Variants in TBC1D19 observed in about 807,000 individuals in gnomAD.
The protein encoded by TBC1D19 is TBC1 domain family member 19, also known as TBC1 domain family, member 19.
TBC1D19 carries 60 observed loss-of-function variants against 89.0 expected under a neutral mutation model. The observed-to-expected ratio is 0.67, with a 90% CI of 0.55 to 0.84. TBC1D19 has a LOEUF of 0.84. Ranked by LOEUF, TBC1D19 falls within the 40% of genes least tolerant of loss-of-function variation. TBC1D19 has a pLI of 0.00. For synonymous variants in TBC1D19, 189 were observed against 199.7 expected, an observed-to-expected ratio of 0.95 and a Z score of 0.45; for missense variants, 500 against 610.8, an observed-to-expected ratio of 0.82 and a Z score of 1.91.
At chr4:26,783,365 TA>T in the TBC1D19 span, among the ~76,000 whole-genome samples, 1 of 152,198 alleles carries the variant, frequency 6.6e-6, no homozygotes, top group Non-Finnish European at 1.5e-5. Context: ...ATTAAAGGCA[TA>T]AGGAGTGATT....
At chr4:26,641,219 G>A (rs1159649194) in intron 7 of TBC1D19, among the ~76,000 whole-genome samples, 1 of 152,236 alleles carries the variant, frequency 6.6e-6, no homozygotes, top group Non-Finnish European at 1.5e-5. Flanking sequence ...GCATCAGGCA[G>A]CAATATTTGC....
At chr4:26,741,797 G>A (rs1718392625) in intron 17 of TBC1D19, among the ~76,000 whole-genome samples, 1 of 152,144 alleles carries the variant, frequency 6.6e-6, no homozygotes. Context: ...ATGCTAAGCT[G>A]CAGGAAAGAC....
At position 26,590,812 on chromosome 4, in the gene TBC1D19, T is replaced by G. The variant is rs13125017; in HGVS notation, c.99+6520T>G. ...TGCAGGTCTGTTTTTTTTTTTTTTT[T>G]TTTTTTTTTTTTTTTGTGAGTCAGT... On this transcript the variant is annotated intron_variant, in intron 1 of 20. Coordinates refer to ENST00000264866, the MANE Select transcript of TBC1D19 (RefSeq NM_018317.4). Among the ~76,000 whole-genome samples, 61 of 129,252 alleles carry G rather than the reference T, an allele frequency of 4.7e-4. 1 individual carries two copies. Among genetic ancestry groups the G allele is most frequent in the African/African-American group, 1.6e-3 (57 of 35,052 alleles). The allele number at this position is 129,252 out of a possible 152,430, so 84.8% of individuals were successfully genotyped here. A position where few individuals can be genotyped will look rare whatever the true frequency, so the allele number is the denominator to read the frequency against.
At chr4:26,677,444 G>C (rs1263766258) in intron 11 of TBC1D19, among the ~76,000 whole-genome samples, 1 of 151,240 alleles carries the variant, frequency 6.6e-6, no homozygotes, top group Admixed American at 6.6e-5. Context: ...TCAGCCTCCC[G>C]ATTAGCTGGG....
At chr4:26,661,720 C>A (rs1745231650) in intron 8 of TBC1D19, among the ~76,000 whole-genome samples, 1 of 152,162 alleles carries the variant, frequency 6.6e-6, no homozygotes, top group Non-Finnish European at 1.5e-5. Context: ...CCCAGGTTCA[C>A]TTAAATTTGT....
At chr4:26,804,713 A>G in the TBC1D19 span, among the ~76,000 whole-genome samples, 1 of 152,180 alleles carries the variant, frequency 6.6e-6, no homozygotes, top group Non-Finnish European at 1.5e-5. Context: ...AGGACTCCCT[A>G]GAGCTGCTCT....
At chr4:26,680,731 G>A (rs955334906) in intron 11 of TBC1D19, among the ~76,000 whole-genome samples, 3 of 152,284 alleles carry the variant, frequency 2.0e-5, no homozygotes, top group African/African-American at 4.8e-5. Flanking sequence ...TATACCTACA[G>A]TATTGATACC....
At chr4:26,805,595 C>T in the TBC1D19 span, among the ~76,000 whole-genome samples, 1 of 152,174 alleles carries the variant, frequency 6.6e-6, no homozygotes, top group South Asian at 2.1e-4. Context: ...CCCTTCACAT[C>T]CATCAGCAAG....
intron 7 of TBC1D19, among the ~76,000 whole-genome samples, chr4:26,654,912 G>T (rs971476493): frequency 6.6e-6 from 1 of 152,120 alleles, no homozygotes; most frequent in Admixed American, 6.5e-5. Context: ...TTCCATTGCT[G>T]GTGAGGAGCT....
At chr4:26,661,897 A>T (rs1745245096) in intron 8 of TBC1D19, among the ~76,000 whole-genome samples, 1 of 152,200 alleles carries the variant, frequency 6.6e-6, no homozygotes, top group African/African-American at 2.4e-5. Flanking sequence ...GGGAAGTCTC[A>T]TACACAATAG....
At chr4:26,633,915 C>T (rs569614082) in intron 4 of TBC1D19, among the ~76,000 whole-genome samples, 1 of 152,206 alleles carries the variant, frequency 6.6e-6, no homozygotes, top group South Asian at 2.1e-4. Flanking sequence ...GGATTAAATC[C>T]TCCAGCTTTA....
chr4:26,777,137 T>C, the TBC1D19 span, among the ~76,000 whole-genome samples: 4 of 8,920 alleles, frequency 4.5e-4, no homozygotes, highest in Non-Finnish European at 0.037. Flanking sequence ...TCTCTCTTCT[T>C]TTTTTTTTTT....
intron 7 of TBC1D19, among the ~76,000 whole-genome samples, chr4:26,641,049 G>A (rs1251951541): frequency 6.6e-6 from 1 of 152,224 alleles, no homozygotes; most frequent in Non-Finnish European, 1.5e-5. Context: ...AGAGAGCAGT[G>A]GTTCTCCCAG....
intron 13 of TBC1D19, among the ~76,000 whole-genome samples, chr4:26,715,500 A>T (rs1452298954): frequency 1.3e-5 from 2 of 152,084 alleles, no homozygotes; most frequent in African/African-American, 4.8e-5. Flanking sequence ...TGCTCTTGGA[A>T]TCAACACATG....
chr4:26,579,135 G>T (rs1362646501), upstream of TBC1D19, among the ~76,000 whole-genome samples: 1 of 152,104 alleles, frequency 6.6e-6, no homozygotes, highest in Non-Finnish European at 1.5e-5. Flanking sequence ...AACCAACTCT[G>T]TGTGAATGGT....
At chr4:26,842,606 T>TTCTTTC in the TBC1D19 span, among the ~76,000 whole-genome samples, 1 of 140,700 alleles carries the variant, frequency 7.1e-6, no homozygotes, top group African/African-American at 2.7e-5. Context: ...CTTTCTTTCT[T>TTCTTTC]TCTTTCTTTC....
chr4:26,647,706 T>C (rs891574713), intron 7 of TBC1D19, among the ~76,000 whole-genome samples: 1 of 152,140 alleles, frequency 6.6e-6, no homozygotes, highest in Non-Finnish European at 1.5e-5. Context: ...CCAGCTACTT[T>C]AGCCTCCTTG....
chr4:26,851,466 T>G, the TBC1D19 span, among the ~76,000 whole-genome samples: 1 of 151,858 alleles, frequency 6.6e-6, no homozygotes, highest in Non-Finnish European at 1.5e-5. Flanking sequence ...GCAAGGAGAG[T>G]GGACTGATTC....
intron 13 of TBC1D19, among the ~76,000 whole-genome samples, chr4:26,708,250 G>A (rs1715886982): frequency 6.6e-6 from 1 of 151,990 alleles, no homozygotes; most frequent in Non-Finnish European, 1.5e-5. Flanking sequence ...TGGCATTCTT[G>A]ATTAATGGCT....
Sources: allele counts gnomAD v4.1 joint callset (sites outside exome capture counted in the v4.1 genomes callset), GRCh38; gene constraint gnomAD v4.1.1; transcripts MANE v1.5; gene names NCBI Gene and HGNC (gene_info 2026-07-23, HGNC 2026-07-21).